THSD4: variants seen among roughly 807,000 people sequenced by gnomAD.
THSD4 encodes thrombospondin type-1 domain-containing protein 4.
THSD4 carries 69 observed loss-of-function variants against 119.0 expected under a neutral mutation model. The ratio of observed to expected loss-of-function variants is 0.58; its 90% CI spans 0.48 to 0.71. The LOEUF (loss-of-function observed/expected upper bound fraction) is 0.71. THSD4 is among the 30% of genes least tolerant of loss of function. THSD4 has a pLI of 0.00. For synonymous variants in THSD4, 524 were observed against 540.4 expected (o/e 0.97, Z 0.42); for missense variants, 1,393 against 1,391.1 (o/e 1.00, Z -0.02).
chr15:71,131,534 T>TA (rs1294433260), intron 1 of THSD4, among the ~76,000 whole-genome samples: 1 of 151,260 alleles, frequency 6.6e-6, no homozygotes, highest in Admixed American at 6.6e-5. Context: ...AATAAGGTTG[T>TA]AAAAAATTCA....
At chr15:71,199,774 T>TG (rs2043772060) in intron 3 of THSD4, among the ~76,000 whole-genome samples, 7 of 129,032 alleles carry the variant, frequency 5.4e-5, no homozygotes, top group Non-Finnish European at 1.1e-4. Context: ...GTGGTGTGTG[T>TG]GGTGTGTGGG....
chr15:71,268,164 T>C (rs2140300656), intron 6 of THSD4, among the ~76,000 whole-genome samples: 1 of 152,314 alleles, frequency 6.6e-6, no homozygotes, highest in Non-Finnish European at 1.5e-5. Flanking sequence ...TACATTCTTC[T>C]CAGCACCACA....
intron 6 of THSD4, among the ~76,000 whole-genome samples, chr15:71,326,724 T>TATATATATATATATATATTA (rs1567196715): frequency 1.1e-5 from 1 of 89,280 alleles, no homozygotes; most frequent in Non-Finnish European, 2.3e-5. Context: ...TATATATATA[T>TATATATATATATATATATTA]ATTAGCTGGG....
In THSD4 at chr15:71,749,697, T is replaced by TTTTTTTTATTTA. The variant is rs748022578; in HGVS notation, c.2415+1106_2415+1107insTTTTATTTATTT. ...TTTTAATATTTTTATATTTTTAAATTTTTATTTATTTATTTATTTATTTAT... is the reference window on the plus strand; with the variant it reads ...TTTTAATATTTTTATATTTTTAAATTTTTTTTTATTTATTTATTTATTTATTTATTTATTTAT... On this transcript the variant is annotated intron_variant, in intron 14 of 17. Transcript: ENST00000261862. Among the ~76,000 whole-genome samples the TTTTTTTTATTTA allele has an allele frequency of 1.5e-4, 20 of 137,666 alleles. 1 individual carries two copies. The highest frequency in any genetic ancestry group is 3.0e-4 in the African/African-American group (11 of 37,100). The allele number at this position is 137,666 out of a possible 152,430, so 90.3% of individuals were successfully genotyped here. A position where few individuals can be genotyped will look rare whatever the true frequency, so the allele number is the denominator to read the frequency against.
At chr15:71,372,306 G>T (rs2046063859) in intron 6 of THSD4, among the ~76,000 whole-genome samples, 1 of 152,218 alleles carries the variant, frequency 6.6e-6, no homozygotes, top group South Asian at 2.1e-4. Flanking sequence ...ATCCAGCTTT[G>T]TTCCGTTGCT....
At chr15:71,424,619 C>T (rs1231990738) in intron 7 of THSD4, among the ~76,000 whole-genome samples, 1 of 152,128 alleles carries the variant, frequency 6.6e-6, no homozygotes, top group African/African-American at 2.4e-5. Context: ...GTCTCAGAGA[C>T]ACTCTGGCCC....
chr15:71,562,747 A>G (rs1029041711), intron 7 of THSD4, among the ~76,000 whole-genome samples: 7 of 143,932 alleles, frequency 4.9e-5, no homozygotes, highest in Non-Finnish European at 1.0e-4. Flanking sequence ...TTGTTGCCCA[A>G]GCTGGAGTAC....
At chr15:71,423,237 T>C (rs779387482) in intron 7 of THSD4, among the ~76,000 whole-genome samples, 19 of 152,162 alleles carry the variant, frequency 1.2e-4, no homozygotes, top group Non-Finnish European at 2.5e-4. Context: ...TACTCTTCCC[T>C]CTGCTTTTCT....
At chr15:71,571,389 T>C (rs2049353659) in intron 7 of THSD4, among the ~76,000 whole-genome samples, 1 of 152,118 alleles carries the variant, frequency 6.6e-6, no homozygotes, top group African/African-American at 2.4e-5. Context: ...TCCAGGTTTG[T>C]TTCTGGCATC....
At chr15:71,287,633 C>A (rs142664850) in intron 6 of THSD4, among the ~76,000 whole-genome samples, 160 of 152,266 alleles carry the variant, frequency 1.1e-3, no homozygotes, top group African/African-American at 3.5e-3. Context: ...TTAAAAATAG[C>A]CTTTTGTGAG....
At chr15:71,750,239 C>A (rs1232209294) in intron 14 of THSD4, among the ~76,000 whole-genome samples, 1 of 152,228 alleles carries the variant, frequency 6.6e-6, no homozygotes, top group Non-Finnish European at 1.5e-5. Flanking sequence ...AAGAAGGACC[C>A]TTTCACGCAG....
intron 5 of THSD4, among the ~76,000 whole-genome samples, chr15:71,243,665 TAC>T (rs923571943): frequency 3.9e-5 from 6 of 152,164 alleles, no homozygotes; most frequent in African/African-American, 1.4e-4. Flanking sequence ...TGCATATATA[TAC>T]AGGTATACCC....
chr15:71,410,210 G>T (rs2046667229), intron 6 of THSD4, among the ~76,000 whole-genome samples: 1 of 152,156 alleles, frequency 6.6e-6, no homozygotes, highest in Non-Finnish European at 1.5e-5. Context: ...TCAGAGATTT[G>T]TTTAGCATTT....
intron 3 of THSD4, chr15:71,185,373 GT>G (rs1295285050): frequency 6.6e-6 from 1 of 151,810 alleles, no homozygotes; most frequent in African/African-American, 2.4e-5. Context: ...GTGTGAACAG[GT>G]TATGATTTGG....
intron 7 of THSD4, among the ~76,000 whole-genome samples, chr15:71,435,900 A>C (rs532751052): frequency 6.6e-6 from 1 of 152,344 alleles, no homozygotes; most frequent in South Asian, 2.1e-4. Context: ...GACAGACTCC[A>C]CTGACAGCTT....
At chr15:71,135,187 A>T (rs2040537846) in intron 1 of THSD4, among the ~76,000 whole-genome samples, 2 of 115,488 alleles carry the variant, frequency 1.7e-5, no homozygotes, top group Admixed American at 2.0e-4. Context: ...TGGTCACAGG[A>T]AGGGGAATAT....
intron 6 of THSD4, among the ~76,000 whole-genome samples, chr15:71,257,271 T>C (rs769537531): frequency 1.3e-5 from 2 of 152,210 alleles, no homozygotes; most frequent in Non-Finnish European, 1.5e-5. Flanking sequence ...CCACTCTGCA[T>C]GCTGGAGTCA....
intron 15 of THSD4, among the ~76,000 whole-genome samples, chr15:71,761,835 C>A (rs757677862): frequency 5.9e-5 from 9 of 152,184 alleles, no homozygotes; most frequent in Non-Finnish European, 7.3e-5. Flanking sequence ...CACTTTGACA[C>A]GAATGCTTCT....
chr15:71,154,767 C>T, intron 2 of THSD4, 96 bp from the exon 3 acceptor site: 1 of 1,255,164 alleles, frequency 8.0e-7, no homozygotes, highest in East Asian at 2.3e-5. Flanking sequence ...GGCTGTTCCC[C>T]CCCCATCCAC....
Sources: allele counts gnomAD v4.1 joint callset (sites outside exome capture counted in the v4.1 genomes callset), GRCh38; gene constraint gnomAD v4.1.1; transcripts MANE v1.5; gene names NCBI Gene and HGNC (gene_info 2026-07-23, HGNC 2026-07-21).